GTF2H2: variants seen among roughly 807,000 people sequenced by gnomAD.
GTF2H2 encodes general transcription factor IIH subunit 2, also known as TFIIH basal transcription factor complex p44 subunit.
Under a neutral mutation model 16.5 loss-of-function variants are expected in GTF2H2, and 2 were observed. The ratio of observed to expected loss-of-function variants is 0.12; its 90% CI spans 0.05 to 0.38. GTF2H2 has a LOEUF of 0.38. Among genes scored for constraint, GTF2H2 ranks in the 10% least tolerant of loss-of-function variants. GTF2H2 has a pLI of 0.99. For missense variants in GTF2H2, 20 were observed against 137.0 expected (o/e 0.15, Z 4.26); for synonymous variants, 8 against 44.1 (o/e 0.18, Z 3.24).
chr5:71,058,399 A>T (rs1402093531), intron 7 of GTF2H2: 1 of 131,842 alleles, frequency 7.6e-6, no homozygotes, highest in Non-Finnish European at 1.6e-5. Flanking sequence ...AAGCGTACAA[A>T]CAAAATACTT....
chr5:71,052,893 T>G (rs1236163595), intron 8 of GTF2H2, among the ~76,000 whole-genome samples: 92 of 82,836 alleles, frequency 1.1e-3, no homozygotes, highest in African/African-American at 4.6e-3. Context: ...TACATACAGG[T>G]GCTCGCCACT....
chr5:71,054,712 C>CGT (rs750011504), intron 8 of GTF2H2, among the ~76,000 whole-genome samples: 31,687 of 104,270 alleles, frequency 0.3, 4,304 homozygotes, highest in East Asian at 0.5. Context: ...TATATATATA[C>CGT]GTGTGTGTGT....
intron 8 of GTF2H2, 31 bp downstream of exon 8, chr5:71,055,321 A>G (rs1221189825): frequency 2.6e-6 from 4 of 1,543,906 alleles, no homozygotes; most frequent in Non-Finnish European, 3.5e-6. Flanking sequence ...AAAAACTTCT[A>G]ATTCAATTAT....
At chr5:71,052,761 A>AT (rs1171639205) in intron 8 of GTF2H2, among the ~76,000 whole-genome samples, 8 of 47,544 alleles carry the variant, frequency 1.7e-4, no homozygotes, top group Non-Finnish European at 3.1e-4. Flanking sequence ...TTTTTTTCTT[A>AT]TTTTGAGACA....
In GTF2H2 at chr5:71,046,022, C is replaced by T. The variant is rs1394372744; in HGVS notation, c.758-515G>A. On this transcript the variant is annotated intron_variant, in intron 11 of 15. Transcript: ENST00000274400. ...ATATCATAGTACACCATTTTATCTA[C>T]GTTTATGCTTTTATGTTTAAAATTT... 7.6e-5 allele frequency among the ~76,000 whole-genome samples: 11 copies of T among 144,546 alleles called. 1 individual carries two copies. Among genetic ancestry groups the T allele is most frequent in the African/African-American group, 2.4e-4 (9 of 37,388 alleles). The allele number at this position is 144,546 out of a possible 152,430, so 94.8% of individuals were successfully genotyped here.
At chr5:71,038,012 T>TA (rs1319714857) in intron 14 of GTF2H2, among the ~76,000 whole-genome samples, 19 of 74,368 alleles carry the variant, frequency 2.6e-4, no homozygotes, top group African/African-American at 7.0e-4. Flanking sequence ...TAGCAATAAT[T>TA]AAAAAAAAAA....
At chr5:71,039,553 T>C (rs1404885124) in intron 14 of GTF2H2, among the ~76,000 whole-genome samples, 2 of 145,194 alleles carry the variant, frequency 1.4e-5, no homozygotes, top group African/African-American at 2.6e-5. Context: ...TCTATCCTAC[T>C]TTTTTTCTTT....
chr5:71,054,766 A>G (rs1343863610), intron 8 of GTF2H2, among the ~76,000 whole-genome samples: 2 of 136,812 alleles, frequency 1.5e-5, no homozygotes, highest in Non-Finnish European at 3.1e-5. Flanking sequence ...TATATAATAG[A>G]TATATAAGCT....
rs1752155795 is a variant in GTF2H2 at position 71,044,019 on chromosome 5, T to G, written c.821+1425A>C. ...TCATTAACTTGGAAATAGTTTAATCTCTTCAAAATTTGCTTTTAAACTTTG... is the reference window on the plus strand; with the variant it reads ...TCATTAACTTGGAAATAGTTTAATCGCTTCAAAATTTGCTTTTAAACTTTG... On this transcript the variant is annotated intron_variant, in intron 12 of 15. Transcript: ENST00000274400. Among the ~76,000 whole-genome samples, 2 of 119,548 alleles carry G rather than the reference T, an allele frequency of 1.7e-5. 1 individual carries two copies. Among genetic ancestry groups the G allele is most frequent in the Non-Finnish European group, 3.4e-5 (2 of 58,758 alleles). The allele number at this position is 119,548 out of a possible 152,430, so 78.4% of individuals were successfully genotyped here. A position where few individuals can be genotyped will look rare whatever the true frequency, so the allele number is the denominator to read the frequency against.
chr5:71,045,143 TA>T lies in GTF2H2; in HGVS notation c.821+300del, dbSNP rs1301763956. ...CCTACACACTCACTGAGGTAAACAT[TA>T]AAAAAAAAAATTTCCCCCTCCACCC... On this transcript the variant is annotated intron_variant, in intron 12 of 15. Transcript: ENST00000274400. 4.4e-3 allele frequency among the ~76,000 whole-genome samples: 461 copies of T among 103,630 alleles called. 11 individuals carry two copies. Among genetic ancestry groups the T allele is most frequent in the Non-Finnish European group, 6.6e-3 (353 of 53,434 alleles). The allele number at this position is 103,630 out of a possible 152,430, so 68.0% of individuals were successfully genotyped here.
At position 71,038,200 on chromosome 5, in the gene GTF2H2, A is replaced by G. The variant is rs1204497721; in HGVS notation, c.1029-654T>C. ...CTGCAGCCTCAACCTCCTGGGCTCA[A>G]GTGATCCTCCTGCCTCAGCCTCCTG... On this transcript the variant is annotated intron_variant, in intron 14 of 15. Coordinates refer to ENST00000274400, the Ensembl canonical transcript of GTF2H2. 3.7e-5 allele frequency among the ~76,000 whole-genome samples: 3 copies of G among 80,868 alleles called. 1 individual carries two copies. The highest frequency in any genetic ancestry group is 7.6e-5 in the Non-Finnish European group (3 of 39,258). 53.1% of individuals were successfully genotyped at this position (80,868 alleles called of 152,430 possible). A position where few individuals can be genotyped will look rare whatever the true frequency, so the allele number is the denominator to read the frequency against.
chr5:71,055,316 C>G, intron 8 of GTF2H2, 36 bp downstream of exon 8: 3 of 1,540,782 alleles, frequency 1.9e-6, no homozygotes, highest in Non-Finnish European at 2.6e-6. Context: ...ATTTAAAAAA[C>G]TTCTAATTCA....
rs1201413795 is a variant in GTF2H2, at chr5:71,036,310, T to C, written c.1069-514A>G. ...ACATTTGTTCTTTCAGCATTACATA[T>C]ACGAGTACTTGCGCCTTGGGATAAA... On this transcript the variant is annotated intron_variant, in intron 15 of 15. Transcript: ENST00000274400. 2.3e-5 allele frequency among the ~76,000 whole-genome samples: 2 copies of C among 88,396 alleles called. 1 individual carries two copies. The highest frequency in any genetic ancestry group is 1.6e-3 in the East Asian group (2 of 1,214). 58.0% of individuals were successfully genotyped at this position (88,396 alleles called of 152,430 possible). A position where few individuals can be genotyped will look rare whatever the true frequency, so the allele number is the denominator to read the frequency against.
intron 1 of GTF2H2, among the ~76,000 whole-genome samples, chr5:71,064,194 TAGAC>T (rs1314029224): frequency 9.7e-5 from 14 of 143,720 alleles, no homozygotes; most frequent in African/African-American, 3.5e-4. Flanking sequence ...TGGAGACTAT[TAGAC>T]AGGGAAGGAT....
At position 71,061,436 on chromosome 5, in the gene GTF2H2, G is replaced by A. The variant is rs1231011581; in HGVS notation, c.135-128C>T. 4.6e-5 allele frequency: 34 copies of A among 731,844 alleles called. 2 individuals carry two copies. Among genetic ancestry groups the A allele is most frequent in the Non-Finnish European group, 6.8e-5 (32 of 469,282 alleles). The allele number at this position is 731,844 out of a possible 1,614,324, so 45.3% of individuals were successfully genotyped here. ...TAATTCTGAGTAAGAATGTCATAAC[G>A]TGCATTTTTAGTGGAGTAAATAATT... On this transcript the variant is annotated intron_variant, in intron 3 of 15. Transcript: ENST00000274400.
intron 14 of GTF2H2, among the ~76,000 whole-genome samples, chr5:71,039,899 T>C (rs1242530304): frequency 1.2e-5 from 1 of 81,522 alleles, no homozygotes; most frequent in Non-Finnish European, 2.5e-5. Flanking sequence ...CTTTACAATA[T>C]CTATCAAAAT....
intron 7 of GTF2H2, among the ~76,000 whole-genome samples, chr5:71,057,426 G>T (rs1300091637): frequency 1.4e-5 from 2 of 142,848 alleles, no homozygotes; most frequent in African/African-American, 5.3e-5. Flanking sequence ...TTAATTTCTG[G>T]GTTTCTTCTG....
intron 7 of GTF2H2, among the ~76,000 whole-genome samples, chr5:71,057,469 C>G (rs1753342603): frequency 7.1e-6 from 1 of 140,708 alleles, no homozygotes; most frequent in Non-Finnish European, 1.6e-5. Flanking sequence ...TATTCATCAA[C>G]TTGGAGCTCC....
chr5:71,054,589 G>A (rs1753031010), intron 8 of GTF2H2, among the ~76,000 whole-genome samples: 2 of 142,740 alleles, frequency 1.4e-5, no homozygotes, highest in Non-Finnish European at 1.5e-5. Flanking sequence ...CAGCACTAGG[G>A]AGGCTGAGGC....
Sources: allele counts gnomAD v4.1 joint callset (sites outside exome capture counted in the v4.1 genomes callset), GRCh38; gene constraint gnomAD v4.1.1; transcripts MANE v1.5; gene names NCBI Gene and HGNC (gene_info 2026-07-23, HGNC 2026-07-21).